The following MPDZ variants were observed in gnomAD, a reference collection of about 807,000 sequenced individuals.
MPDZ encodes the protein multiple PDZ domain protein.
Under a neutral mutation model 239.1 loss-of-function variants are expected in MPDZ, and 234 were observed. The observed-to-expected ratio is 0.98, with a 90% CI of 0.88 to 1.09. The LOEUF (loss-of-function observed/expected upper bound fraction) is 1.09, where lower values mean the gene tolerates loss of function less well. Among genes scored for constraint, MPDZ ranks in the 50% least tolerant of loss-of-function variants. MPDZ has a pLI of 0.00. For missense variants in MPDZ, 3,175 were observed against 2,510.0 expected, an observed-to-expected ratio of 1.26 and a Z score of -5.66; for synonymous variants, 1,048 against 881.3, an observed-to-expected ratio of 1.19 and a Z score of -3.35.
At chr9:13,139,939 T>C in intron 28 of MPDZ, 48 bp downstream of exon 28, 1 of 1,609,006 alleles carries the variant, frequency 6.2e-7, no homozygotes, top group Non-Finnish European at 8.5e-7. Context: ...AACTCAGAGC[T>C]ATTTTAATAC....
In MPDZ at chr9:13,110,476, AT is replaced by A. The variant is rs1308915774; in HGVS notation, c.5829+159del. 3.3e-5 allele frequency among the ~76,000 whole-genome samples: 5 copies of A among 152,206 alleles called. No individual in the cohort carries two copies. The East Asian group carries it at 7.7e-4, about 23-fold the overall frequency. ...TAAAATGTTACAAAATATGTCTCATATGCACTTTATTGGAACTCTTAATTTA... is the reference window on the plus strand; with the variant it reads ...TAAAATGTTACAAAATATGTCTCATAGCACTTTATTGGAACTCTTAATTTA... On this transcript the variant is annotated intron_variant, in intron 44 of 46. Transcript: ENST00000319217.
intron 10 of MPDZ, among the ~76,000 whole-genome samples, chr9:13,212,779 C>T (rs1957783016): frequency 7.1e-6 from 1 of 140,084 alleles, no homozygotes; most frequent in African/African-American, 2.8e-5. Flanking sequence ...TCAAGACCAC[C>T]TGGTCAAGGT....
At chr9:13,277,596 G>A (rs1476548556) in intron 1 of MPDZ, among the ~76,000 whole-genome samples, 2 of 152,026 alleles carry the variant, frequency 1.3e-5, no homozygotes, top group South Asian at 2.1e-4. Flanking sequence ...TCAGAGTCTC[G>A]CTCTGTCACC....
At chr9:13,220,069 T>C (rs912859436) in intron 7 of MPDZ, among the ~76,000 whole-genome samples, 14 of 152,128 alleles carry the variant, frequency 9.2e-5, no homozygotes, top group Admixed American at 8.5e-4. Flanking sequence ...CTAAATGCCT[T>C]TTTGTGAATT....
intron 1 of MPDZ, among the ~76,000 whole-genome samples, chr9:13,277,618 G>A (rs1220605914): frequency 6.6e-6 from 1 of 152,130 alleles, no homozygotes; most frequent in East Asian, 1.9e-4. Flanking sequence ...AGGCCGGAGT[G>A]CAGTGGCGCG....
At chr9:13,231,030 G>C (rs1962271503) in intron 3 of MPDZ, among the ~76,000 whole-genome samples, 1 of 151,870 alleles carries the variant, frequency 6.6e-6, no homozygotes, top group African/African-American at 2.4e-5. Context: ...AACAAAACAG[G>C]AAAATGATAC....
rs577560180 is a variant in MPDZ at position 13,115,284 on chromosome 9, T to G, written c.5430A>C (p.Pro1810=). The part of the protein sequence containing the change: ...TLEVGRIKAG[P]FHSERRPSQS... ...GAGATGGCCTCCTCTCTGAATGGAA[T>G]GGACCAGCTTTGATTCTTCCAACTT... Residue 1810 remains proline, a synonymous_variant, in exon 40 of 47, where the codon CCA becomes CCC. Coordinates refer to ENST00000319217, the MANE Select transcript of MPDZ (RefSeq NM_001378778.1). 117 of 1,612,720 alleles carry G rather than the reference T, an allele frequency of 7.3e-5. 2 individuals are homozygous for G. In the South Asian group the frequency reaches 1.2e-3, roughly 17 times the overall value.
chr9:13,222,738 T>C (rs1235938054), intron 5 of MPDZ, among the ~76,000 whole-genome samples: 2 of 152,074 alleles, frequency 1.3e-5, no homozygotes, highest in East Asian at 1.9e-4. Flanking sequence ...CTTCTAAAAA[T>C]GAAAGTGGAT....
At chr9:13,153,959 C>T (rs1949517265) in intron 24 of MPDZ, among the ~76,000 whole-genome samples, 1 of 152,136 alleles carries the variant, frequency 6.6e-6, no homozygotes, top group South Asian at 2.1e-4. Context: ...GTACCATGTC[C>T]TCAGTATTAT....
chr9:13,219,290 C>T (rs954779797), intron 8 of MPDZ, among the ~76,000 whole-genome samples: 3 of 151,944 alleles, frequency 2.0e-5, no homozygotes, highest in Non-Finnish European at 4.4e-5. Context: ...TTTACCCATA[C>T]TTTAAAACAT....
intron 40 of MPDZ, 37 bp downstream of exon 40, chr9:13,115,211 C>A: frequency 6.4e-7 from 1 of 1,566,756 alleles, no homozygotes. Context: ...CTTGGCATGC[C>A]GATTGCATCG....
At position 13,219,750 on chromosome 9, in the gene MPDZ, C is replaced by T. The variant is rs1263035803; in HGVS notation, c.895G>A (p.Gly299Arg). 2 of 1,612,350 alleles carry T rather than the reference C, an allele frequency of 1.2e-6. No individual in the cohort carries two copies. Among genetic ancestry groups the T allele is most frequent in the African/African-American group, 1.3e-5 (1 of 74,820 alleles). ...VADQHGRLCSGDHILKIGDTD... is the reference protein window; with the variant it reads ...VADQHGRLCSRDHILKIGDTD... The stretch of plus-strand genomic sequence containing the variant: ...TCACCAATCTTTAGAATGTGGTCTC[C>T]ACTGCATAAACGCCCATGCTGAGTA... The change falls in exon 8 of 47, where the codon GGA (glycine) becomes AGA (arginine). Residue 299 changes from glycine to arginine, a missense_variant. Physicochemically the swap from Gly to Arg is moderately radical, Grantham distance 125. Coordinates refer to ENST00000319217, the MANE Select transcript of MPDZ (RefSeq NM_001378778.1).
In MPDZ at chr9:13,109,019, C is replaced by G. The variant is rs1013170897; in HGVS notation, c.5983G>C (p.Asp1995His). ...CCAACTATACTGAAGCCTAAGCCATCTGGTCCTCGCTCTAGTGTAATAGAC... is the reference window on the plus strand; with the variant it reads ...CCAACTATACTGAAGCCTAAGCCATGTGGTCCTCGCTCTAGTGTAATAGAC... ...CKSITLERGP[D>H]GLGFSIVGGY... is the part of the protein sequence containing the mutation. The change falls in exon 46 of 47, where the codon GAT becomes CAT. Residue 1995 changes from aspartate (D) to histidine (H), a missense_variant. Asp to His is a moderately conservative substitution (Grantham distance 81, BLOSUM62 -1). Coordinates refer to ENST00000319217, the MANE Select transcript of MPDZ (RefSeq NM_001378778.1). The G allele has an allele frequency of 6.3e-7, 1 of 1,588,852 alleles. No individual in the cohort carries two copies. Among genetic ancestry groups the G allele is most frequent in the Admixed American group, 1.8e-5 (1 of 56,750 alleles).
chr9:13,217,374 A>G (rs1958489685), intron 8 of MPDZ, 80 bp from the exon 9 acceptor site: 1 of 923,384 alleles, frequency 1.1e-6, no homozygotes, highest in East Asian at 2.7e-5. Context: ...CAAACAAAAA[A>G]ACCATGATAA....
chr9:13,215,347 GAT>G (rs956415454), intron 10 of MPDZ, among the ~76,000 whole-genome samples: 2 of 149,506 alleles, frequency 1.3e-5, no homozygotes, highest in African/African-American at 2.5e-5. Context: ...ATCACATTTT[GAT>G]ATATATATAT....
intron 23 of MPDZ, among the ~76,000 whole-genome samples, chr9:13,158,959 A>G (rs1331670): frequency 0.44 from 67,548 of 152,066 alleles, 17,555 homozygotes; most frequent in African/African-American, 0.73. Flanking sequence ...CTAAAGAAAT[A>G]TGTCCACATA....
At chr9:13,242,195 C>G (rs1327708986) in intron 3 of MPDZ, among the ~76,000 whole-genome samples, 1 of 146,518 alleles carries the variant, frequency 6.8e-6, no homozygotes, top group Admixed American at 6.8e-5. Context: ...AAACCACTAC[C>G]TTAATTTTAT....
chr9:13,130,712 G>A (rs1256701439), intron 32 of MPDZ, among the ~76,000 whole-genome samples: 1 of 152,208 alleles, frequency 6.6e-6, no homozygotes, highest in Non-Finnish European at 1.5e-5. Flanking sequence ...TTTAGTGTAT[G>A]TAGGATTTAT....
chr9:13,139,978 A>G lies in MPDZ; in HGVS notation c.4003+9T>C, dbSNP rs1947391813. 6.2e-7 allele frequency: 1 copy of G among 1,613,206 alleles called. No individual in the cohort carries two copies. Among genetic ancestry groups the G allele is most frequent in the Admixed American group, 1.7e-5 (1 of 59,956 alleles). ...TTACAATTAAATGCATCACAAAAACACAACTTACTCCAGCTGTAACCAAAC... is the reference window on the plus strand; with the variant it reads ...TTACAATTAAATGCATCACAAAAACGCAACTTACTCCAGCTGTAACCAAAC... On this transcript the variant is annotated intron_variant, in intron 28 of 46. Coordinates refer to ENST00000319217, the MANE Select transcript of MPDZ (RefSeq NM_001378778.1).
Sources: allele counts gnomAD v4.1 joint callset (sites outside exome capture counted in the v4.1 genomes callset), GRCh38; gene constraint gnomAD v4.1.1; transcripts MANE v1.5; gene names NCBI Gene and HGNC (gene_info 2026-07-23, HGNC 2026-07-21).